The following NPC1 variants were observed in gnomAD, a reference collection of about 807,000 sequenced individuals.
The protein encoded by NPC1 is Niemann-Pick C1 protein.
NPC1 carries 85 observed loss-of-function variants against 140.4 expected under a neutral mutation model. The ratio of observed to expected loss-of-function variants is 0.61; its 90% CI spans 0.51 to 0.72. NPC1 has a LOEUF of 0.72. Ranked by LOEUF, NPC1 falls within the 30% of genes least tolerant of loss-of-function variation. The pLI is 0.00. For synonymous variants in NPC1, 656 were observed against 624.8 expected, an observed-to-expected ratio of 1.05 and a Z score of -0.74; for missense variants, 1,504 against 1,623.8, an observed-to-expected ratio of 0.93 and a Z score of 1.27.
intron 1 of NPC1, among the ~76,000 whole-genome samples, chr18:23,582,795 G>T (rs1465197575): frequency 2.3e-5 from 3 of 129,716 alleles, no homozygotes; most frequent in Non-Finnish European, 3.2e-5. Flanking sequence ...ACCAAAGTAA[G>T]ACCTGGTCTT....
At chr18:23,525,578 C>T (rs971942860), downstream of NPC1, among the ~76,000 whole-genome samples, 15 of 152,156 alleles carry the variant, frequency 9.9e-5, no homozygotes, top group African/African-American at 3.6e-4. Flanking sequence ...GCATGCGCCA[C>T]CACACCCAGC....
In NPC1 at chr18:23,509,876, T is replaced by G. The variant is rs554469916; in HGVS notation, c.432-3234A>C. 2.8e-4 allele frequency among the ~76,000 whole-genome samples: 42 copies of G among 151,418 alleles called. 1 individual carries two copies. In the South Asian group the frequency reaches 8.4e-3, roughly 30 times the overall value. On this transcript the variant is annotated intron_variant, in intron 3 of 3. Transcript: ENST00000591107. ...GCCCGGCCCTGGCTAATTTTTAAAC[T>G]TTTTTGTAGAGACGAAGTCTTGCTA...
chr18:23,535,209 CAA>C (rs898627689), intron 22 of NPC1, among the ~76,000 whole-genome samples: 2 of 152,042 alleles, frequency 1.3e-5, no homozygotes, highest in African/African-American at 4.8e-5. Flanking sequence ...AGGAATGGGA[CAA>C]GAGAAAAAAT....
At chr18:23,584,753 G>A (rs1186302920) in intron 1 of NPC1, among the ~76,000 whole-genome samples, 1 of 152,182 alleles carries the variant, frequency 6.6e-6, no homozygotes, top group East Asian at 1.9e-4. Flanking sequence ...TAGCTACCTG[G>A]GAGGCTGAGG....
chr18:23,520,217 G>A (rs750535643), downstream of NPC1: 3 of 1,613,788 alleles, frequency 1.9e-6, no homozygotes, highest in African/African-American at 1.3e-5. Flanking sequence ...GGTAATATTC[G>A]ATATCAAGTT....
chr18:23,555,129 C>T (rs1242708681), intron 8 of NPC1, 145 bp from the exon 9 acceptor site: 1 of 699,402 alleles, frequency 1.4e-6, no homozygotes, highest in South Asian at 1.6e-5. Context: ...AATTAAGATG[C>T]AATACAGTAA....
chr18:23,524,667 A>T (rs2058241487), downstream of NPC1, among the ~76,000 whole-genome samples: 2 of 151,812 alleles, frequency 1.3e-5, no homozygotes, highest in Non-Finnish European at 2.9e-5. Flanking sequence ...TCAAGAACAT[A>T]TACTACTTTT....
intron 18 of NPC1, 135 bp from the exon 19 acceptor site, chr18:23,539,605 T>A: frequency 1.3e-6 from 1 of 793,170 alleles, no homozygotes; most frequent in Non-Finnish European, 2.1e-6. Context: ...ACATGAGCAC[T>A]TAATGAAAAA....
chr18:23,584,123 G>A (rs2059387143), intron 1 of NPC1, among the ~76,000 whole-genome samples: 1 of 152,164 alleles, frequency 6.6e-6, no homozygotes, highest in Admixed American at 6.5e-5. Context: ...TTAAAAACAA[G>A]GCAGTCTAGT....
At chr18:23,528,022 C>T, downstream of NPC1, 2 of 821,250 alleles carry the variant, frequency 2.4e-6, no homozygotes, top group Non-Finnish European at 1.8e-6. Context: ...AGATTTGCCG[C>T]CTGCCATAGG....
At position 23,507,194 on chromosome 18, in the gene NPC1, G is replaced by C; in HGVS notation, c.432-552C>G. 4 of 508,008 alleles carry C rather than the reference G, an allele frequency of 7.9e-6. No individual in the cohort carries two copies. The East Asian group carries it at 1.4e-4, about 18-fold the overall frequency. The allele number at this position is 508,008 out of a possible 1,614,324, so 31.5% of individuals were successfully genotyped here. A position where few individuals can be genotyped will look rare whatever the true frequency, so the allele number is the denominator to read the frequency against. ...GGTATAGTTATGTTGCATTGTATTA[G>C]AGCCTTCAAAAACGAAAAAGACATT... On this transcript the variant is annotated intron_variant, in intron 3 of 3. Coordinates refer to the NPC1 transcript ENST00000591107.
intron 3 of NPC1, among the ~76,000 whole-genome samples, chr18:23,507,452 T>C (rs1429512270): frequency 6.6e-6 from 1 of 152,208 alleles, no homozygotes; most frequent in Non-Finnish European, 1.5e-5. Flanking sequence ...CAGCATAGAA[T>C]ATGTGAGGTA....
In NPC1 at chr18:23,531,786, T is replaced by C. The variant is rs1436738149; in HGVS notation, c.*416A>G. The C allele has an allele frequency of 6.4e-7, 1 of 1,551,830 alleles. No individual in the cohort carries two copies. Among genetic ancestry groups the C allele is most frequent in the East Asian group, 2.3e-5 (1 of 43,922 alleles). ...TAAAGCTCTTTAAACTATAAAATGT[T>C]ATAAAGTGTATCTACAACCTCAACT... On this transcript the variant is annotated 3_prime_UTR_variant, in exon 25 of 25. Transcript: ENST00000269228.
chr18:23,523,556 A>AAAG (rs2058203653), intron 1 of NPC1, among the ~76,000 whole-genome samples: 2 of 112,982 alleles, frequency 1.8e-5, no homozygotes, highest in Non-Finnish European at 4.3e-5. Context: ...AAAAAAAAAA[A>AAAG]AAAAAAAAAA....
intron 4 of NPC1, among the ~76,000 whole-genome samples, chr18:23,563,023 T>C (rs2059066515): frequency 6.6e-6 from 1 of 152,204 alleles, no homozygotes. Context: ...GTATTCTAGC[T>C]ATGCACAACT....
downstream of NPC1, among the ~76,000 whole-genome samples, chr18:23,525,410 G>A (rs1459586865): frequency 6.6e-6 from 1 of 151,896 alleles, no homozygotes. Flanking sequence ...ACCACGCCCA[G>A]TTAATTTATT....
intron 1 of NPC1, 101 bp from the exon 2 acceptor site, chr18:23,573,675 A>G: frequency 2.1e-6 from 3 of 1,411,078 alleles, no homozygotes; most frequent in Admixed American, 1.7e-5. Context: ...TTCCAATGCT[A>G]CCTGCAAAAT....
At chr18:23,524,958 T>C (rs2058251840), downstream of NPC1, among the ~76,000 whole-genome samples, 1 of 145,536 alleles carries the variant, frequency 6.9e-6, no homozygotes, top group Non-Finnish European at 1.5e-5. Context: ...TTTTTTTTTT[T>C]TTTTTTTGAG....
rs1567950411 is a variant in NPC1 at position 23,540,014 on chromosome 18, T to C, written c.2605-13A>G. ...CCATGTAGGAGTCCTGAAAGAAAGATAAAAGAATAGGAGAGAGTGTGAACA... is the reference window on the plus strand; with the variant it reads ...CCATGTAGGAGTCCTGAAAGAAAGACAAAAGAATAGGAGAGAGTGTGAACA... On this transcript the variant is annotated splice_polypyrimidine_tract_variant and intron_variant, in intron 17 of 24. Coordinates refer to ENST00000269228, the MANE Select transcript of NPC1 (RefSeq NM_000271.5). 1 of 1,609,172 alleles carries C rather than the reference T, an allele frequency of 6.2e-7. No homozygotes were observed.
Sources: allele counts gnomAD v4.1 joint callset (sites outside exome capture counted in the v4.1 genomes callset), GRCh38; gene constraint gnomAD v4.1.1; transcripts MANE v1.5; gene names NCBI Gene and HGNC (gene_info 2026-07-23, HGNC 2026-07-21).